The following PIK3C2G variants were observed in gnomAD, a reference collection of about 807,000 sequenced individuals.
The protein encoded by PIK3C2G is phosphatidylinositol-4-phosphate 3-kinase catalytic subunit type 2 gamma, also known as phosphatidylinositol 3-kinase C2 domain-containing subunit gamma.
PIK3C2G carries 168 observed loss-of-function variants against 181.1 expected under a neutral mutation model. The observed-to-expected ratio is 0.93, with a 90% CI of 0.82 to 1.05. The LOEUF (loss-of-function observed/expected upper bound fraction) is 1.05. Ranked by LOEUF, PIK3C2G falls within the 50% of genes least tolerant of loss-of-function variation. PIK3C2G has a pLI of 0.00. For missense variants in PIK3C2G, 1,869 were observed against 1,732.8 expected (o/e 1.08, Z -1.40); for synonymous variants, 573 against 592.2 (o/e 0.97, Z 0.47).
chr12:18,328,977 A>T (rs1591969514), intron 8 of PIK3C2G, among the ~76,000 whole-genome samples: 1 of 152,042 alleles, frequency 6.6e-6, no homozygotes, highest in East Asian at 1.9e-4. Context: ...GAAGTCAAGG[A>T]AATAAAGGCA....
chr12:18,563,381 A>G lies in PIK3C2G; in HGVS notation c.3785A>G (p.Tyr1262Cys). The change falls in exon 28 of 33, where the codon TAT (tyrosine) becomes TGT (cysteine). Residue 1262 changes from tyrosine (Y) to cysteine (C), a missense_variant. Tyr to Cys is a radical substitution (Grantham distance 194). Coordinates refer to ENST00000538779, the MANE Select transcript of PIK3C2G (RefSeq NM_001288772.2). ...LGFSKKSSNL[Y>C]LIQVTHSNNE... ...CTATCTATTTACTTTCTGCAGCTGT[A>G]TCTGATCCAGGTGACACACAGCAAC... 5 of 1,610,986 alleles carry G rather than the reference A, an allele frequency of 3.1e-6. No individual in the cohort carries two copies. The highest frequency in any genetic ancestry group is 4.2e-6 in the Non-Finnish European group (5 of 1,178,254).
the PIK3C2G span, among the ~76,000 whole-genome samples, chr12:18,726,327 T>C: frequency 2.0e-5 from 3 of 152,316 alleles, no homozygotes; most frequent in Admixed American, 6.5e-5. Flanking sequence ...TTGTCTCCTG[T>C]TTAAAAAACG....
chr12:18,654,477 T>C, the PIK3C2G span, among the ~76,000 whole-genome samples: 1 of 152,062 alleles, frequency 6.6e-6, no homozygotes, highest in Non-Finnish European at 1.5e-5. Flanking sequence ...TTTCAAGTGG[T>C]TAAGAAAATG....
chr12:18,627,276 G>A (rs755288077), intron 31 of PIK3C2G, among the ~76,000 whole-genome samples: 25 of 151,736 alleles, frequency 1.6e-4, no homozygotes, highest in Non-Finnish European at 3.4e-4. Flanking sequence ...TTCAAGTACT[G>A]TTTTCCAAAT....
Position 18,292,227 on chromosome 12 carries a change from AAT to A in PIK3C2G, c.919+1242_919+1243del, listed in dbSNP as rs1555149102. On this transcript the variant is annotated intron_variant, in intron 4 of 32. Transcript: ENST00000538779. ...CTCCATCTCAAAAAAAAAAAAAAAA[AAT>A]ATATATATATATATATATATATATA... 5.2e-3 allele frequency among the ~76,000 whole-genome samples: 254 copies of A among 48,636 alleles called. 2 individuals carry two copies. The Middle Eastern group carries it at 0.064, about 12-fold the overall frequency. The allele number at this position is 48,636 out of a possible 152,430, so 31.9% of individuals were successfully genotyped here. A position where few individuals can be genotyped will look rare whatever the true frequency, so the allele number is the denominator to read the frequency against.
At chr12:18,575,243 G>T (rs1946174176) in intron 29 of PIK3C2G, among the ~76,000 whole-genome samples, 1 of 152,132 alleles carries the variant, frequency 6.6e-6, no homozygotes, top group African/African-American at 2.4e-5. Context: ...CCTATATGGT[G>T]CTGGGAACCT....
chr12:18,356,234 C>A (rs915617893), intron 11 of PIK3C2G, among the ~76,000 whole-genome samples: 17 of 152,208 alleles, frequency 1.1e-4, no homozygotes, highest in African/African-American at 4.1e-4. Flanking sequence ...ATTTTGCTTA[C>A]CCTTCTGAAG....
chr12:18,497,212 G>A (rs1008705827), intron 21 of PIK3C2G, among the ~76,000 whole-genome samples: 12 of 151,976 alleles, frequency 7.9e-5, no homozygotes, highest in African/African-American at 2.4e-4. Flanking sequence ...ACTGCATATC[G>A]GTGCATAAAT....
chr12:18,314,075 C>G lies in PIK3C2G; in HGVS notation c.1137+11C>G, dbSNP rs763556810. ...AAGCTATCTCGAAAGGTAAGACTTT[C>G]TTAGCATTGGTTTCAATTGGCAAAC... On this transcript the variant is annotated intron_variant, in intron 6 of 32. Transcript: ENST00000538779. 1 of 1,411,706 alleles carries G rather than the reference C, an allele frequency of 7.1e-7. No individual in the cohort carries two copies. The highest frequency in any genetic ancestry group is 1.4e-5 in the African/African-American group (1 of 70,096). The allele number at this position is 1,411,706 out of a possible 1,614,324, so 87.4% of individuals were successfully genotyped here.
chr12:18,667,735 T>A, the PIK3C2G span, among the ~76,000 whole-genome samples: 1 of 152,126 alleles, frequency 6.6e-6, no homozygotes, highest in Non-Finnish European at 1.5e-5. Context: ...CAATAGTATT[T>A]CTATGTTTAA....
chr12:18,652,719 A>G (rs75577150), downstream of PIK3C2G, among the ~76,000 whole-genome samples: 2,883 of 152,228 alleles, frequency 0.019, 37 homozygotes, highest in Middle Eastern at 0.048. Flanking sequence ...ACATTCATAC[A>G]ATGTTGCAAA....
At chr12:18,548,290 T>C (rs1413260541) in intron 26 of PIK3C2G, among the ~76,000 whole-genome samples, 1 of 152,032 alleles carries the variant, frequency 6.6e-6, no homozygotes, top group African/African-American at 2.4e-5. Context: ...AAAGTTGGAC[T>C]GCAAGGCCTG....
intron 13 of PIK3C2G, among the ~76,000 whole-genome samples, chr12:18,374,359 A>G (rs1435301793): frequency 1.3e-5 from 2 of 152,192 alleles, no homozygotes; most frequent in Non-Finnish European, 2.9e-5. Context: ...CACTGTGTCA[A>G]GTCATTTCAG....
chr12:18,622,710 G>T (rs1427489571), intron 31 of PIK3C2G, among the ~76,000 whole-genome samples: 14 of 151,608 alleles, frequency 9.2e-5, no homozygotes, highest in African/African-American at 3.1e-4. Context: ...CATTCTTGTC[G>T]ATAATTGTCT....
chr12:18,616,334 T>C (rs1948606850), intron 31 of PIK3C2G, among the ~76,000 whole-genome samples: 1 of 152,122 alleles, frequency 6.6e-6, no homozygotes, highest in Non-Finnish European at 1.5e-5. Flanking sequence ...CACACAGTTA[T>C]TAAATAAGCA....
At chr12:18,508,121 C>T (rs1941961358) in intron 24 of PIK3C2G, among the ~76,000 whole-genome samples, 2 of 152,140 alleles carry the variant, frequency 1.3e-5, no homozygotes, top group African/African-American at 4.8e-5. Context: ...CACTGTCTTC[C>T]TTTGAGAATA....
At chr12:18,412,199 A>C (rs751111912) in intron 16 of PIK3C2G, among the ~76,000 whole-genome samples, 2 of 152,164 alleles carry the variant, frequency 1.3e-5, no homozygotes, top group Non-Finnish European at 2.9e-5. Flanking sequence ...TTGAGCCCAG[A>C]GAAAACACAG....
At chr12:18,631,482 G>T (rs59081147) in intron 31 of PIK3C2G, among the ~76,000 whole-genome samples, 7,707 of 152,210 alleles carry the variant, frequency 0.051, 639 homozygotes, top group African/African-American at 0.18. Context: ...CTGTAATGTG[G>T]AGTTTATTCT....
chr12:18,293,656 T>C (rs1464358112), intron 4 of PIK3C2G, among the ~76,000 whole-genome samples: 2 of 152,118 alleles, frequency 1.3e-5, no homozygotes, highest in Admixed American at 6.6e-5. Flanking sequence ...AGAAACACAA[T>C]ACCTAGCTTT....
Sources: allele counts gnomAD v4.1 joint callset (sites outside exome capture counted in the v4.1 genomes callset), GRCh38; gene constraint gnomAD v4.1.1; transcripts MANE v1.5; gene names NCBI Gene and HGNC (gene_info 2026-07-23, HGNC 2026-07-21).